ATP10A: variants seen among roughly 807,000 people sequenced by gnomAD.
ATP10A encodes the protein ATPase phospholipid transporting 10A (putative), also known as phospholipid-transporting ATPase VA.
Under a neutral mutation model 147.8 loss-of-function variants are expected in ATP10A, and 111 were observed. The ratio of observed to expected loss-of-function variants is 0.75; its 90% confidence interval spans 0.64 to 0.88. The LOEUF is 0.88. ATP10A is among the 40% of genes least tolerant of loss of function. The probability of loss-of-function intolerance (pLI) is 0.00; values close to 1 mark genes in which losing one functional copy is unlikely to be tolerated. For synonymous variants in ATP10A, 875 were observed against 841.6 expected (o/e 1.04, Z -0.69); for missense variants, 1,927 against 1,959.0 (o/e 0.98, Z 0.31).
intron 10 of ATP10A, among the ~76,000 whole-genome samples, chr15:25,711,757 G>A (rs1207292834): frequency 6.6e-6 from 1 of 152,178 alleles, no homozygotes; most frequent in Admixed American, 6.5e-5. Context: ...GCAGTTACCT[G>A]GTTATGGGAA....
At chr15:25,807,318 C>G (rs542090127) in intron 1 of ATP10A, among the ~76,000 whole-genome samples, 4 of 152,326 alleles carry the variant, frequency 2.6e-5, no homozygotes, top group East Asian at 1.9e-4. Context: ...TCCTGCCCAC[C>G]CTTCTGCGGC....
intron 1 of ATP10A, among the ~76,000 whole-genome samples, chr15:25,857,153 A>C (rs60295594): frequency 0.036 from 5,476 of 152,304 alleles, 355 homozygotes; most frequent in African/African-American, 0.12. Flanking sequence ...TAACAGTATT[A>C]GGAAATTAGG....
intron 14 of ATP10A, among the ~76,000 whole-genome samples, chr15:25,693,094 T>C (rs1900123679): frequency 6.6e-6 from 1 of 152,150 alleles, no homozygotes; most frequent in African/African-American, 2.4e-5. Context: ...TGATCACGGT[T>C]CACTGCAGCC....
intron 1 of ATP10A, among the ~76,000 whole-genome samples, chr15:25,786,202 GGCT>G (rs1386412844): frequency 2.6e-5 from 4 of 152,270 alleles, no homozygotes; most frequent in Non-Finnish European, 5.9e-5. Context: ...GGTGGGCCAG[GGCT>G]GACCACACAG....
chr15:25,716,981 G>A lies in ATP10A; in HGVS notation c.1582-57C>T. 2.9e-6 allele frequency: 4 copies of A among 1,393,976 alleles called. No individual in the cohort carries two copies. The South Asian group carries it at 6.1e-5, about 21-fold the overall frequency. 86.4% of individuals were successfully genotyped at this position (1,393,976 alleles called of 1,614,324 possible). ...ACCCAGTAGCCTGCCGAGGATCTTG[G>A]GGCGTGACTATTTAAGGTACTTTGA... On this transcript the variant is annotated intron_variant, in intron 8 of 20. Coordinates refer to ENST00000555815, the MANE Select transcript of ATP10A (RefSeq NM_024490.4).
At chr15:25,684,629 A>G (rs1899614626) in intron 16 of ATP10A, among the ~76,000 whole-genome samples, 1 of 152,160 alleles carries the variant, frequency 6.6e-6, no homozygotes. Context: ...CGGTGTGAGT[A>G]AGGAACCCAA....
At chr15:25,721,411 C>A (rs1004322039) in intron 7 of ATP10A, among the ~76,000 whole-genome samples, 2 of 152,184 alleles carry the variant, frequency 1.3e-5, no homozygotes, top group African/African-American at 4.8e-5. Context: ...ATGCCTGGCA[C>A]CCCAGACACT....
At chr15:25,727,461 C>T (rs938338283) in intron 3 of ATP10A, among the ~76,000 whole-genome samples, 195 bp from the exon 4 acceptor site, 1 of 152,022 alleles carries the variant, frequency 6.6e-6, no homozygotes, top group African/African-American at 2.4e-5. Context: ...TGAGACAGAA[C>T]TGCTGTTCAC....
intron 14 of ATP10A, among the ~76,000 whole-genome samples, chr15:25,694,454 T>G (rs1900201723): frequency 6.6e-6 from 1 of 152,164 alleles, no homozygotes; most frequent in Admixed American, 6.5e-5. Context: ...CAAAGGACCT[T>G]CTAAGTTGGC....
At chr15:25,834,091 C>T (rs1191463306) in intron 1 of ATP10A, among the ~76,000 whole-genome samples, 2 of 152,092 alleles carry the variant, frequency 1.3e-5, no homozygotes, top group Non-Finnish European at 2.9e-5. Context: ...GTGTTATTAA[C>T]TATTCATTAC....
intron 1 of ATP10A, among the ~76,000 whole-genome samples, chr15:25,823,513 C>T (rs974613967): frequency 2.6e-5 from 4 of 152,176 alleles, no homozygotes; most frequent in Admixed American, 2.0e-4. Flanking sequence ...GGCATTCCTC[C>T]TGCTTTTGAG....
intron 10 of ATP10A, among the ~76,000 whole-genome samples, chr15:25,712,333 G>A (rs543680375): frequency 2.6e-5 from 4 of 152,206 alleles, no homozygotes; most frequent in African/African-American, 9.6e-5. Flanking sequence ...AGACAAGCCC[G>A]GCAAGTGCTG....
At chr15:25,774,750 GA>G (rs1889524956) in intron 2 of ATP10A, among the ~76,000 whole-genome samples, 2 of 151,918 alleles carry the variant, frequency 1.3e-5, no homozygotes, top group African/African-American at 4.8e-5. Context: ...CAGTTAATAT[GA>G]AAAAACATGG....
chr15:25,802,592 G>C (rs906344288), intron 1 of ATP10A, among the ~76,000 whole-genome samples: 2 of 152,184 alleles, frequency 1.3e-5, no homozygotes, highest in Non-Finnish European at 2.9e-5. Flanking sequence ...CTCCTTCCTG[G>C]AGTCTCAGCG....
At chr15:25,695,484 C>A (rs1316151905) in intron 13 of ATP10A, among the ~76,000 whole-genome samples, 3 of 152,104 alleles carry the variant, frequency 2.0e-5, no homozygotes, top group Non-Finnish European at 4.4e-5. Flanking sequence ...AAAAAATTAG[C>A]CAGGCGTGGT....
intron 16 of ATP10A, among the ~76,000 whole-genome samples, chr15:25,684,333 G>A (rs1899596718): frequency 6.6e-6 from 1 of 152,232 alleles, no homozygotes; most frequent in Non-Finnish European, 1.5e-5. Flanking sequence ...CATGAGCTAT[G>A]TAGCTGGGCA....
chr15:25,790,320 C>A (rs1890352039), intron 1 of ATP10A, among the ~76,000 whole-genome samples: 1 of 152,184 alleles, frequency 6.6e-6, no homozygotes, highest in Non-Finnish European at 1.5e-5. Context: ...ACTTTCTATT[C>A]TGTATGTCTC....
rs758356531 is a variant in ATP10A at position 25,723,966 on chromosome 15, G to A, written c.1035C>T (p.Pro345=). Residue 345 remains proline, a synonymous_variant, in exon 6 of 21, where the codon CCC becomes CCT. Coordinates refer to ENST00000555815, the MANE Select transcript of ATP10A (RefSeq NM_024490.4). ...YQEKKSLFYV[P]KSDGSSLSPV... Reference sequence around the variant, plus strand: ...GGGATAAGGAGCTTCCATCAGACTTGGGGACATAAAATAATGACTTCTTCT... The same window carrying A: ...GGGATAAGGAGCTTCCATCAGACTTAGGGACATAAAATAATGACTTCTTCT... 1.2e-6 allele frequency: 2 copies of A among 1,609,712 alleles called. No individual in the cohort carries two copies. Among genetic ancestry groups the A allele is most frequent in the Non-Finnish European group, 1.7e-6 (2 of 1,178,338 alleles).
intron 1 of ATP10A, among the ~76,000 whole-genome samples, chr15:25,812,417 T>C (rs1428186670): frequency 6.6e-6 from 1 of 152,226 alleles, no homozygotes; most frequent in East Asian, 1.9e-4. Flanking sequence ...GAGGAAACAT[T>C]ACTATAAAAA....
Sources: allele counts gnomAD v4.1 joint callset (sites outside exome capture counted in the v4.1 genomes callset), GRCh38; gene constraint gnomAD v4.1.1; transcripts MANE v1.5; gene names NCBI Gene and HGNC (gene_info 2026-07-23, HGNC 2026-07-21).